XKR9: variants seen among roughly 807,000 people sequenced by gnomAD.
XKR9 encodes the protein XK-related protein 9.
XKR9 carries 32 observed loss-of-function variants against 32.0 expected under a neutral mutation model. The observed-to-expected ratio is 1.00, with a 90% CI of 0.76 to 1.34. XKR9 has a LOEUF of 1.34. Ranked by LOEUF, XKR9 falls within the 40% of genes most tolerant of loss-of-function variation. The pLI, the probability that XKR9 is intolerant of heterozygous loss-of-function variation, is 0.00. For missense variants in XKR9, 546 were observed against 429.7 expected (o/e 1.27, Z -2.39); for synonymous variants, 168 against 143.4 (o/e 1.17, Z -1.22).
chr8:70,993,550 A>G, the XKR9 span, among the ~76,000 whole-genome samples: 1 of 152,118 alleles, frequency 6.6e-6, no homozygotes, highest in Non-Finnish European at 1.5e-5. Flanking sequence ...TAGTTGCATC[A>G]CTACCATCCT....
At chr8:70,823,023 A>T in the XKR9 span, among the ~76,000 whole-genome samples, 1 of 152,192 alleles carries the variant, frequency 6.6e-6, no homozygotes, top group Non-Finnish European at 1.5e-5. Context: ...ATCCATCAGT[A>T]CTTTTTGCTT....
chr8:70,998,558 T>G, the XKR9 span, among the ~76,000 whole-genome samples: 1 of 152,222 alleles, frequency 6.6e-6, no homozygotes, highest in Admixed American at 6.5e-5. Flanking sequence ...AAGCCTCTAA[T>G]TTTTCTTTAA....
the XKR9 span, among the ~76,000 whole-genome samples, chr8:70,900,940 A>T: frequency 1.2e-3 from 178 of 152,278 alleles, 1 homozygote; most frequent in Non-Finnish European, 2.4e-3. Context: ...TAGTTTGCTG[A>T]GAATGATGGT....
chr8:70,676,884 C>A (rs1418165060), intron 2 of XKR9, among the ~76,000 whole-genome samples: 4 of 152,078 alleles, frequency 2.6e-5, no homozygotes, highest in Non-Finnish European at 5.9e-5. Flanking sequence ...CCTGCTACTA[C>A]TATTTTTATT....
At chr8:71,000,604 C>A in the XKR9 span, among the ~76,000 whole-genome samples, 1 of 152,156 alleles carries the variant, frequency 6.6e-6, no homozygotes, top group Non-Finnish European at 1.5e-5. Flanking sequence ...ATCTGACAGG[C>A]CAAGAAATCA....
At chr8:70,991,511 G>A in the XKR9 span, among the ~76,000 whole-genome samples, 5 of 152,196 alleles carry the variant, frequency 3.3e-5, no homozygotes, top group African/African-American at 4.8e-5. Context: ...TCATGGAGAT[G>A]ATTATTGAAA....
chr8:70,768,288 G>C (rs1406941567), intron 2 of XKR9, among the ~76,000 whole-genome samples: 3 of 152,126 alleles, frequency 2.0e-5, no homozygotes. Context: ...CTGAGAGACT[G>C]TTTGTTATGA....
chr8:70,728,235 C>G (rs1047302284), intron 4 of XKR9, among the ~76,000 whole-genome samples: 2 of 152,136 alleles, frequency 1.3e-5, no homozygotes, highest in African/African-American at 4.8e-5. Context: ...ATGGTGGTTT[C>G]AATCCCTCTC....
At chr8:71,010,461 A>T in the XKR9 span, among the ~76,000 whole-genome samples, 1 of 152,208 alleles carries the variant, frequency 6.6e-6, no homozygotes, top group Non-Finnish European at 1.5e-5. Context: ...TCTCTATGCA[A>T]CATAGGATGT....
chr8:70,796,779 C>G, the XKR9 span, among the ~76,000 whole-genome samples: 1 of 152,180 alleles, frequency 6.6e-6, no homozygotes, highest in Non-Finnish European at 1.5e-5. Flanking sequence ...GGACATACTG[C>G]TAGGCCTAGC....
At chr8:70,880,456 C>G in the XKR9 span, among the ~76,000 whole-genome samples, 18 of 152,142 alleles carry the variant, frequency 1.2e-4, no homozygotes, top group Non-Finnish European at 2.9e-5. Context: ...GCAAAAATCA[C>G]AAGCATTCTT....
the XKR9 span, among the ~76,000 whole-genome samples, chr8:70,965,125 A>G: frequency 6.6e-6 from 1 of 152,144 alleles, no homozygotes; most frequent in Non-Finnish European, 1.5e-5. Context: ...TATTCCTTCA[A>G]TACCTAGTAT....
the XKR9 span, among the ~76,000 whole-genome samples, chr8:70,912,709 G>A: frequency 1.7e-3 from 260 of 152,056 alleles, 1 homozygote; most frequent in African/African-American, 6.0e-3. Flanking sequence ...AGTTGAAACC[G>A]CAGACTGATG....
chr8:70,675,501 G>C (rs973112647), intron 2 of XKR9, among the ~76,000 whole-genome samples: 2 of 152,076 alleles, frequency 1.3e-5, no homozygotes, highest in African/African-American at 2.4e-5. Context: ...AAACTTTTAT[G>C]CTCTGCTTCC....
intron 2 of XKR9, among the ~76,000 whole-genome samples, chr8:70,743,779 C>G (rs1464726319): frequency 1.3e-5 from 2 of 152,102 alleles, no homozygotes; most frequent in Non-Finnish European, 2.9e-5. Flanking sequence ...GGCCTTAAAA[C>G]CACTAAAACT....
At chr8:70,978,509 G>C in the XKR9 span, among the ~76,000 whole-genome samples, 4,324 of 152,236 alleles carry the variant, frequency 0.028, 181 homozygotes, top group African/African-American at 0.1. Context: ...AGTTTGGCAG[G>C]ATACGAAATT....
intron 2 of XKR9, among the ~76,000 whole-genome samples, chr8:70,769,031 CTATATATTTTGG>C (rs1807416946): frequency 6.6e-6 from 1 of 151,966 alleles, no homozygotes; most frequent in Non-Finnish European, 1.5e-5. Context: ...TGTCGTTGGT[CTATATATTTTGG>C]TATGTTTTTA....
the XKR9 span, among the ~76,000 whole-genome samples, chr8:71,052,854 A>C: frequency 4.6e-5 from 7 of 152,272 alleles, no homozygotes; most frequent in Non-Finnish European, 1.0e-4. Context: ...TGTCGTGTGT[A>C]ACTGCTCTGA....
At chr8:70,694,899 T>A (rs986556181) in intron 3 of XKR9, among the ~76,000 whole-genome samples, 2 of 152,192 alleles carry the variant, frequency 1.3e-5, no homozygotes, top group Non-Finnish European at 2.9e-5. Context: ...AGGGACTCCA[T>A]GCATGCCTGA....
Sources: gnomAD v4.1 joint callset for allele counts (sites outside exome capture counted in the v4.1 genomes callset) on GRCh38, gnomAD v4.1.1 for gene constraint, MANE v1.5 for transcripts, NCBI Gene and HGNC (gene_info 2026-07-23, HGNC 2026-07-21) for gene names.